The following FRY variants were observed in gnomAD, a reference collection of about 807,000 sequenced individuals.
FRY encodes the protein protein furry homolog.
A neutral mutation model predicts 348.4 loss-of-function variants in FRY; 128 were observed. The ratio of observed to expected loss-of-function variants is 0.37; its 90% CI spans 0.32 to 0.43. The LOEUF is 0.43. Ranked by LOEUF, FRY falls within the 20% of genes least tolerant of loss-of-function variation. The probability of loss-of-function intolerance (pLI) is 1.00; values close to 1 mark genes in which losing one functional copy is unlikely to be tolerated. For synonymous variants in FRY, 1,370 were observed against 1,374.7 expected, an observed-to-expected ratio of 1.00 and a Z score of 0.08; for missense variants, 2,736 against 3,695.2, an observed-to-expected ratio of 0.74 and a Z score of 6.73.
chr13:32,067,322 A>G (rs1874323435), intron 1 of FRY, among the ~76,000 whole-genome samples: 1 of 152,090 alleles, frequency 6.6e-6, no homozygotes, highest in Admixed American at 6.5e-5. Context: ...ATGCGGGGTT[A>G]GGTTAGACAC....
intron 50 of FRY, 122 bp downstream of exon 50, chr13:32,252,074 G>A (rs1229696510): frequency 3.8e-5 from 29 of 753,450 alleles, no homozygotes; most frequent in Non-Finnish European, 4.4e-5. Context: ...GATAGCCACC[G>A]TCTTGAGCAA....
At chr13:32,266,970 C>T (rs1358288630) in intron 54 of FRY, among the ~76,000 whole-genome samples, 200 bp from the exon 55 acceptor site, 1 of 152,098 alleles carries the variant, frequency 6.6e-6, no homozygotes, top group African/African-American at 2.4e-5. Context: ...GGCGACAGAG[C>T]GAGACTCAAA....
chr13:32,240,359 T>G (rs928556456), intron 46 of FRY, among the ~76,000 whole-genome samples: 2 of 152,224 alleles, frequency 1.3e-5, no homozygotes, highest in Non-Finnish European at 2.9e-5. Flanking sequence ...GATCAGAAAT[T>G]TTTATCCTAA....
intron 27 of FRY, 75 bp from the exon 28 acceptor site, chr13:32,187,471 G>T: frequency 1.2e-6 from 1 of 856,996 alleles, no homozygotes; most frequent in Non-Finnish European, 2.0e-6. Context: ...GACAATTATG[G>T]TTTATAAAGT....
chr13:32,245,302 T>C (rs1206801927), intron 47 of FRY, among the ~76,000 whole-genome samples: 2 of 151,698 alleles, frequency 1.3e-5, no homozygotes, highest in African/African-American at 4.8e-5. Context: ...TTTATTTTAA[T>C]GAAAATAAAA....
At chr13:32,073,902 TG>T (rs1874837805) in intron 1 of FRY, among the ~76,000 whole-genome samples, 1 of 152,174 alleles carries the variant, frequency 6.6e-6, no homozygotes, top group South Asian at 2.1e-4. Flanking sequence ...CTATGAGCTG[TG>T]GAGGTGTTTA....
At chr13:32,086,032 C>G (rs751750992) in intron 2 of FRY, 1 of 514,990 alleles carries the variant, frequency 1.9e-6, no homozygotes, top group African/African-American at 1.9e-5. Context: ...AAGACCTAGG[C>G]GGTAAAACCA....
intron 10 of FRY, among the ~76,000 whole-genome samples, chr13:32,136,033 T>A (rs1358606138): frequency 1.4e-5 from 2 of 145,804 alleles, no homozygotes; most frequent in Admixed American, 1.4e-4. Flanking sequence ...TAAAACTAAG[T>A]TAATTTAAAA....
At chr13:32,049,637 C>G (rs1480033735) in intron 1 of FRY, among the ~76,000 whole-genome samples, 4 of 152,118 alleles carry the variant, frequency 2.6e-5, no homozygotes, top group Non-Finnish European at 5.9e-5. Flanking sequence ...TGATCACATC[C>G]CAGCAAATTC....
At position 32,171,304 on chromosome 13, in the gene FRY, CTTTTTTTTTT is replaced by C. The variant is rs71071026; in HGVS notation, c.2151+52_2151+61del. 5.6e-5 allele frequency: 30 copies of C among 531,592 alleles called. 1 individual carries two copies. The highest frequency in any genetic ancestry group is 1.4e-4 in the Admixed American group (3 of 22,220). The allele number at this position is 531,592 out of a possible 1,614,324, so 32.9% of individuals were successfully genotyped here. A position where few individuals can be genotyped will look rare whatever the true frequency, so the allele number is the denominator to read the frequency against. ...CACACCTTACCCATGAATTTATATT[CTTTTTTTTTT>C]TTTTTTTTTTTTTTTTTGAGACAGT... On this transcript the variant is annotated intron_variant, in intron 18 of 60. Coordinates refer to ENST00000542859, the MANE Select transcript of FRY (RefSeq NM_023037.3).
At chr13:32,199,067 C>T (rs73169113) in intron 29 of FRY, among the ~76,000 whole-genome samples, 21,524 of 152,164 alleles carry the variant, frequency 0.14, 1,869 homozygotes, top group South Asian at 0.23. Flanking sequence ...GATATTTGAA[C>T]GCAGGACATT....
At chr13:32,203,238 G>A (rs554408598) in intron 31 of FRY, among the ~76,000 whole-genome samples, 2 of 152,280 alleles carry the variant, frequency 1.3e-5, no homozygotes, top group African/African-American at 4.8e-5. Flanking sequence ...ATTGCTGCAA[G>A]TTGTTTGGTG....
chr13:32,202,705 C>T (rs1265121641), intron 31 of FRY, among the ~76,000 whole-genome samples, 178 bp downstream of exon 31: 3 of 152,114 alleles, frequency 2.0e-5, no homozygotes, highest in Non-Finnish European at 4.4e-5. Flanking sequence ...AATCCCAGCA[C>T]TTTGGGAGGC....
At chr13:32,146,246 T>C (rs1880441104) in intron 11 of FRY, among the ~76,000 whole-genome samples, 1 of 152,060 alleles carries the variant, frequency 6.6e-6, no homozygotes. Flanking sequence ...CTCAGCATAG[T>C]AGCTCAAATG....
Position 32,124,589 on chromosome 13 carries a change from C to CTT in FRY, c.556-5_556-4dup. On this transcript the variant is annotated splice_polypyrimidine_tract_variant and intron_variant, in intron 5 of 60. Coordinates refer to ENST00000542859, the MANE Select transcript of FRY (RefSeq NM_023037.3). ...TATTCCCTTCTGAGTTAAGAACCAC[C>CTT]TTTTTTTTTCAGATTCCACTTCATC... 1 of 1,501,276 alleles carries CTT rather than the reference C, an allele frequency of 6.7e-7. No individual in the cohort carries two copies. Among genetic ancestry groups the CTT allele is most frequent in the Non-Finnish European group, 9.3e-7 (1 of 1,080,572 alleles). 93.0% of individuals were successfully genotyped at this position (1,501,276 alleles called of 1,614,324 possible). A position where few individuals can be genotyped will look rare whatever the true frequency, so the allele number is the denominator to read the frequency against.
intron 36 of FRY, among the ~76,000 whole-genome samples, chr13:32,220,522 G>T (rs562486900): frequency 3.9e-5 from 6 of 152,304 alleles, no homozygotes; most frequent in African/African-American, 1.4e-4. Context: ...ACCATAGGCC[G>T]TTACTTCTAG....
intron 7 of FRY, among the ~76,000 whole-genome samples, chr13:32,128,425 A>G (rs1879158154): frequency 6.6e-6 from 1 of 152,258 alleles, no homozygotes; most frequent in African/African-American, 2.4e-5. Context: ...GTGCTAACAC[A>G]TAGTAGGCCC....
intron 1 of FRY, among the ~76,000 whole-genome samples, chr13:32,038,823 A>G (rs1054732689): frequency 6.6e-6 from 1 of 152,208 alleles, no homozygotes. Context: ...AACATGCAAC[A>G]GTGTCAGAGA....
intron 22 of FRY, 144 bp downstream of exon 22, chr13:32,179,177 T>C (rs1882547967): frequency 3.0e-6 from 2 of 674,948 alleles, no homozygotes; most frequent in Non-Finnish European, 5.2e-6. Context: ...CTAAATTCCA[T>C]TGAGTGTTTA....
Sources: gnomAD v4.1 joint callset for allele counts (sites outside exome capture counted in the v4.1 genomes callset) on GRCh38, gnomAD v4.1.1 for gene constraint, MANE v1.5 for transcripts, NCBI Gene and HGNC (gene_info 2026-07-23, HGNC 2026-07-21) for gene names.